GPM6A: variants seen among roughly 807,000 people sequenced by gnomAD.
GPM6A encodes the protein glycoprotein M6A, also known as neuronal membrane glycoprotein M6-a.
Under a neutral mutation model 32.1 loss-of-function variants are expected in GPM6A, and 7 were observed. The observed-to-expected ratio is 0.22, with a 90% CI of 0.12 to 0.41. GPM6A has a LOEUF of 0.41. GPM6A is among the 10% of genes least tolerant of loss of function. GPM6A has a pLI of 1.00. For synonymous variants in GPM6A, 130 were observed against 123.4 expected, an observed-to-expected ratio of 1.05 and a Z score of -0.35; for missense variants, 235 against 347.2, an observed-to-expected ratio of 0.68 and a Z score of 2.57.
At chr4:175,705,511 C>T (rs954794811) in intron 1 of GPM6A, among the ~76,000 whole-genome samples, 33 of 152,172 alleles carry the variant, frequency 2.2e-4, no homozygotes, top group Non-Finnish European at 2.2e-4. Flanking sequence ...AGAAGACTCT[C>T]AGAACTCCCA....
At chr4:175,641,167 C>T (rs1741121566) in intron 4 of GPM6A, 1 of 254,938 alleles carries the variant, frequency 3.9e-6, no homozygotes, top group Non-Finnish European at 7.5e-6. Context: ...GTTAACTATG[C>T]CCCAGACTGT....
chr4:175,728,980 C>T (rs1039014134), intron 1 of GPM6A, among the ~76,000 whole-genome samples: 1 of 152,174 alleles, frequency 6.6e-6, no homozygotes, highest in African/African-American at 2.4e-5. Context: ...TCTACACTGG[C>T]TCTAAGTGGT....
intron 2 of GPM6A, among the ~76,000 whole-genome samples, chr4:175,683,356 G>A (rs969557094): frequency 3.3e-5 from 5 of 152,158 alleles, no homozygotes; most frequent in African/African-American, 4.8e-5. Context: ...AGGCTCACAA[G>A]TAGAAGGGGT....
chr4:175,750,792 T>C (rs1267214264), intron 1 of GPM6A, among the ~76,000 whole-genome samples: 1 of 152,002 alleles, frequency 6.6e-6, no homozygotes, highest in Admixed American at 6.6e-5. Context: ...CGGGCTGGTC[T>C]CAACTCCTGA....
In GPM6A at chr4:175,707,773, T is replaced by C. The variant is rs28555473; in HGVS notation, c.38-6006A>G. Reference sequence around the variant, plus strand: ...CCTGATATTATCGATACTTATGCTTTTACCTGATACTTATGCTTTTACCAT... The same window carrying C: ...CCTGATATTATCGATACTTATGCTTCTACCTGATACTTATGCTTTTACCAT... On this transcript the variant is annotated intron_variant, in intron 1 of 6. Transcript: ENST00000393658. Among the ~76,000 whole-genome samples the C allele has an allele frequency of 3.3e-3, 499 of 152,336 alleles. 4 individuals carry two copies. The highest frequency in any genetic ancestry group is 0.012 in the African/African-American group (480 of 41,582).
At chr4:175,650,269 A>T (rs577231821) in intron 4 of GPM6A, among the ~76,000 whole-genome samples, 1 of 142,426 alleles carries the variant, frequency 7.0e-6, no homozygotes, top group African/African-American at 2.7e-5. Context: ...TGATTTCATT[A>T]TTTTATTTAT....
chr4:175,916,630 C>A (rs1471783425), intron 1 of GPM6A, among the ~76,000 whole-genome samples: 1 of 152,056 alleles, frequency 6.6e-6, no homozygotes, highest in African/African-American at 2.4e-5. Context: ...AGAAAATAAC[C>A]CAGGAGGCTG....
chr4:175,867,618 T>C (rs1458928429), intron 1 of GPM6A, among the ~76,000 whole-genome samples: 1 of 152,224 alleles, frequency 6.6e-6, no homozygotes, highest in Non-Finnish European at 1.5e-5. Context: ...TTTGTTGCCA[T>C]TGATCTATTT....
chr4:175,722,144 T>C (rs192661049), intron 1 of GPM6A, among the ~76,000 whole-genome samples: 11 of 152,140 alleles, frequency 7.2e-5, no homozygotes, highest in Non-Finnish European at 1.5e-4. Context: ...AAAATTAGCC[T>C]GGTGCGGGGG....
chr4:175,988,478 A>G (rs1295532160), intron 1 of GPM6A, among the ~76,000 whole-genome samples: 4 of 152,204 alleles, frequency 2.6e-5, no homozygotes, highest in South Asian at 4.1e-4. Context: ...TTGTAGTCAT[A>G]TATTCAAAGA....
At chr4:175,954,335 G>C (rs951338253) in intron 1 of GPM6A, among the ~76,000 whole-genome samples, 2 of 152,180 alleles carry the variant, frequency 1.3e-5, no homozygotes, top group African/African-American at 4.8e-5. Context: ...CAGCTCTAGT[G>C]GCTAAGGGTG....
At chr4:175,646,960 C>A (rs1041493864) in intron 4 of GPM6A, among the ~76,000 whole-genome samples, 1 of 152,210 alleles carries the variant, frequency 6.6e-6, no homozygotes, top group South Asian at 2.1e-4. Context: ...CCTGAAAAAG[C>A]CTTCCTTCCT....
chr4:175,990,128 C>A (rs1289205823), intron 1 of GPM6A, among the ~76,000 whole-genome samples: 1 of 152,206 alleles, frequency 6.6e-6, no homozygotes, highest in Non-Finnish European at 1.5e-5. Context: ...CTTGATGACT[C>A]CTTCCTCTCT....
At chr4:175,807,818 T>C (rs942939256) in intron 1 of GPM6A, among the ~76,000 whole-genome samples, 1 of 152,192 alleles carries the variant, frequency 6.6e-6, no homozygotes, top group African/African-American at 2.4e-5. Context: ...TATGGCCATC[T>C]AGTGTAGAGA....
intron 4 of GPM6A, 41 bp downstream of exon 4, chr4:175,651,792 TG>T: frequency 6.6e-7 from 1 of 1,517,076 alleles, no homozygotes; most frequent in Non-Finnish European, 9.1e-7. Context: ...TAACACAATA[TG>T]GGATGGTGTT....
At chr4:175,689,855 A>C (rs116830190) in intron 2 of GPM6A, among the ~76,000 whole-genome samples, 1 of 152,226 alleles carries the variant, frequency 6.6e-6, no homozygotes, top group African/African-American at 2.4e-5. Flanking sequence ...GTCACTGCTT[A>C]GAATGAGGTG....
At chr4:175,765,401 A>T (rs1732923451) in intron 1 of GPM6A, among the ~76,000 whole-genome samples, 1 of 152,002 alleles carries the variant, frequency 6.6e-6, no homozygotes, top group Non-Finnish European at 1.5e-5. Flanking sequence ...ATTTTTATTG[A>T]TATATTGTAG....
chr4:175,720,521 T>A (rs377349908), intron 1 of GPM6A, among the ~76,000 whole-genome samples: 1 of 152,236 alleles, frequency 6.6e-6, no homozygotes, highest in East Asian at 1.9e-4. Context: ...ACAGCACTCC[T>A]GTACTGTGGG....
chr4:175,828,702 T>G (rs1268393510), intron 1 of GPM6A, among the ~76,000 whole-genome samples: 1 of 152,102 alleles, frequency 6.6e-6, no homozygotes, highest in African/African-American at 2.4e-5. Flanking sequence ...ATAAGCAAAA[T>G]AATAATAACA....
Sources: gnomAD v4.1 joint callset for allele counts (sites outside exome capture counted in the v4.1 genomes callset) on GRCh38, gnomAD v4.1.1 for gene constraint, MANE v1.5 for transcripts, NCBI Gene and HGNC (gene_info 2026-07-23, HGNC 2026-07-21) for gene names.